Variants in UIMC1 observed in about 807,000 individuals in gnomAD.
The protein encoded by UIMC1 is BRCA1-A complex subunit RAP80.
UIMC1 carries 42 observed loss-of-function variants against 84.9 expected under a neutral mutation model. The observed-to-expected ratio is 0.49, with a 90% CI of 0.39 to 0.64. UIMC1 has a LOEUF of 0.64. Among genes scored for constraint, UIMC1 ranks in the 30% least tolerant of loss-of-function variants. The pLI is 0.00. For missense variants in UIMC1, 825 were observed against 847.6 expected (o/e 0.97, Z 0.33); for synonymous variants, 281 against 293.0 (o/e 0.96, Z 0.42).
intron 1 of UIMC1, chr5:177,006,223 C>A (rs1362348988): frequency 6.6e-6 from 1 of 152,324 alleles, no homozygotes; most frequent in African/African-American, 2.4e-5. Flanking sequence ...AAAGCCCAAC[C>A]TGGCGTTCCG....
Position 176,951,440 on chromosome 5 carries a change from A to G in UIMC1, c.1443+34T>C. 4 of 1,465,802 alleles carry G rather than the reference A, an allele frequency of 2.7e-6. 1 individual carries two copies. In the Admixed American group the frequency reaches 7.4e-5, roughly 27 times the overall value. The allele number at this position is 1,465,802 out of a possible 1,614,324, so 90.8% of individuals were successfully genotyped here. On this transcript the variant is annotated intron_variant, in intron 9 of 14. Transcript: ENST00000511320. The stretch of plus-strand genomic sequence containing the variant: ...GAGAGAGGACTGCCAACGGAAAGAA[A>G]CCACTGAGAAAAAATATAGAGGAAA...
intron 8 of UIMC1, among the ~76,000 whole-genome samples, chr5:176,953,540 A>G (rs1581513518): frequency 6.8e-6 from 1 of 146,774 alleles, no homozygotes; most frequent in East Asian, 2.0e-4. Flanking sequence ...ACCTTATTGG[A>G]AAAAGGCTTA....
intron 1 of UIMC1, among the ~76,000 whole-genome samples, chr5:177,003,227 C>T (rs1774794628): frequency 6.6e-6 from 1 of 151,804 alleles, no homozygotes. Flanking sequence ...AAACACACAC[C>T]CTTGATATTT....
chr5:177,002,126 AAAAAAC>A (rs1774598441), intron 1 of UIMC1: 1 of 151,024 alleles, frequency 6.6e-6, no homozygotes, highest in Non-Finnish European at 1.5e-5. Flanking sequence ...CTCAAAAAAA[AAAAAAC>A]AAAAAAAAAA....
chr5:176,928,329 G>C (rs1473778981), intron 10 of UIMC1, among the ~76,000 whole-genome samples: 1 of 152,066 alleles, frequency 6.6e-6, no homozygotes, highest in Non-Finnish European at 1.5e-5. Flanking sequence ...TTCAGAAAAA[G>C]TTTGCTAGAC....
intron 1 of UIMC1, among the ~76,000 whole-genome samples, chr5:176,984,873 T>C (rs1236840572): frequency 6.6e-6 from 1 of 152,186 alleles, no homozygotes; most frequent in East Asian, 1.9e-4. Context: ...TGTGCTTTGT[T>C]AAAAAGATGC....
At chr5:177,016,464 G>A (rs1025718035) in intron 1 of UIMC1, among the ~76,000 whole-genome samples, 1 of 152,038 alleles carries the variant, frequency 6.6e-6, no homozygotes, top group Non-Finnish European at 1.5e-5. Context: ...GGCCGAGGCG[G>A]GCGGATCACG....
intron 1 of UIMC1, among the ~76,000 whole-genome samples, chr5:177,021,200 C>G (rs1027927841): frequency 6.6e-6 from 1 of 152,136 alleles, no homozygotes; most frequent in Non-Finnish European, 1.5e-5. Flanking sequence ...ATTGCTTGAA[C>G]CCGGGAGACG....
intron 2 of UIMC1, 47 bp downstream of exon 2, chr5:176,982,422 C>T (rs1771195115): frequency 1.3e-6 from 2 of 1,579,990 alleles, no homozygotes; most frequent in African/African-American, 2.7e-5. Flanking sequence ...GGTAAAGAAG[C>T]ATAGTTTGAG....
At chr5:176,927,717 C>G (rs917933429) in intron 10 of UIMC1, among the ~76,000 whole-genome samples, 1 of 151,834 alleles carries the variant, frequency 6.6e-6, no homozygotes, top group Non-Finnish European at 1.5e-5. Context: ...TAGTTAACTA[C>G]AGAGGACATT....
chr5:176,971,014 C>T (rs1315792946), intron 3 of UIMC1, 148 bp from the exon 4 acceptor site: 5 of 1,174,722 alleles, frequency 4.3e-6, no homozygotes, highest in Non-Finnish European at 4.6e-6. Context: ...AGGAAAACCC[C>T]AGAAGGAAAG....
chr5:176,977,610 A>G lies in UIMC1; in HGVS notation c.148-2130T>C, dbSNP rs1770325561. 2.0e-5 allele frequency among the ~76,000 whole-genome samples: 3 copies of G among 151,288 alleles called. No individual in the cohort carries two copies. In the East Asian group the frequency reaches 5.8e-4, roughly 29 times the overall value. On this transcript the variant is annotated intron_variant, in intron 2 of 14. Transcript: ENST00000511320. ...AAAAAAAAAAAAAGAAAAGAAAAAAAAAAACAGAAACAAAAAAGGCCAGGC... is the reference window on the plus strand; with the variant it reads ...AAAAAAAAAAAAAGAAAAGAAAAAAGAAAACAGAAACAAAAAAGGCCAGGC...
In UIMC1 at chr5:176,938,545, C is replaced by T. The variant is rs1764004042; in HGVS notation, c.1597+4790G>A. The stretch of plus-strand genomic sequence containing the variant: ...GAACATGCAGAGAGTAGAATGGTTC[C>T]AGTGAGGGCACCCTGCTCCCTCTCA... On this transcript the variant is annotated intron_variant, in intron 10 of 14. Coordinates refer to ENST00000511320, the MANE Select transcript of UIMC1 (RefSeq NM_001199298.2). 2.6e-5 allele frequency among the ~76,000 whole-genome samples: 4 copies of T among 152,150 alleles called. No individual in the cohort carries two copies. In the South Asian group the frequency reaches 8.3e-4, roughly 32 times the overall value.
At chr5:176,975,745 A>G (rs917973573) in intron 2 of UIMC1, among the ~76,000 whole-genome samples, 9 of 152,240 alleles carry the variant, frequency 5.9e-5, no homozygotes, top group Non-Finnish European at 1.3e-4. Flanking sequence ...TCTATCTCTA[A>G]AATACCAGTA....
At chr5:176,932,858 C>CTTTTT (rs749495757) in intron 10 of UIMC1, among the ~76,000 whole-genome samples, 59 of 106,626 alleles carry the variant, frequency 5.5e-4, no homozygotes, top group Middle Eastern at 5.5e-3. Context: ...AATAGCAATG[C>CTTTTT]TTTTTTTTTT....
intron 1 of UIMC1, among the ~76,000 whole-genome samples, chr5:176,993,055 G>A (rs1451168263): frequency 6.6e-6 from 1 of 151,528 alleles, no homozygotes; most frequent in Non-Finnish European, 1.5e-5. Flanking sequence ...GCATGGTGGT[G>A]TGCACCTATA....
intron 10 of UIMC1, among the ~76,000 whole-genome samples, chr5:176,914,137 T>C (rs1165790998): frequency 6.6e-6 from 1 of 152,014 alleles, no homozygotes; most frequent in Non-Finnish European, 1.5e-5. Flanking sequence ...TTCTGTACTT[T>C]GGTAACTAAG....
chr5:176,976,759 A>G (rs1475639796), intron 2 of UIMC1, among the ~76,000 whole-genome samples: 1 of 152,256 alleles, frequency 6.6e-6, no homozygotes, highest in African/African-American at 2.4e-5. Context: ...AGTGGTTGTC[A>G]AGGGCTAGGG....
At chr5:177,019,644 A>AG (rs1775745250) in intron 1 of UIMC1, among the ~76,000 whole-genome samples, 1 of 150,574 alleles carries the variant, frequency 6.6e-6, no homozygotes, top group Non-Finnish European at 1.5e-5. Context: ...AAAAAAAAAA[A>AG]TTGTAGGCTG....
Sources: allele counts gnomAD v4.1 joint callset (sites outside exome capture counted in the v4.1 genomes callset), GRCh38; gene constraint gnomAD v4.1.1; transcripts MANE v1.5; gene names NCBI Gene and HGNC (gene_info 2026-07-23, HGNC 2026-07-21).